The following PCSK9 variants were observed in gnomAD, a reference collection of about 807,000 sequenced individuals.
The protein encoded by PCSK9 is proprotein convertase subtilisin/kexin type 9, also known as convertase subtilisin/kexin type 9 preproprotein.
Under a neutral mutation model 62.1 loss-of-function variants are expected in PCSK9, and 57 were observed. That is an observed-to-expected ratio of 0.92 (90% CI 0.74 to 1.14). The LOEUF (loss-of-function observed/expected upper bound fraction) is 1.14, where lower values mean the gene tolerates loss of function less well. Ranked by LOEUF, PCSK9 falls within the 50% of genes most tolerant of loss-of-function variation. The pLI is 0.00. For missense variants in PCSK9, 870 were observed against 959.8 expected (o/e 0.91, Z 1.24); for synonymous variants, 387 against 409.4 (o/e 0.95, Z 0.66).
intron 3 of PCSK9, chr1:55,051,298 G>A (rs1260790240): frequency 2.3e-6 from 1 of 430,522 alleles, no homozygotes; most frequent in African/African-American, 2.0e-5. Flanking sequence ...AGCCCAGAGG[G>A]CTGCCCTCTG....
In PCSK9 at chr1:55,057,433, G is replaced by C. The variant is rs141867978; in HGVS notation, c.1099G>C (p.Asp367His). 1.1e-4 allele frequency: 174 copies of C among 1,614,094 alleles called. 6 individuals carry two copies. In the South Asian group the frequency reaches 1.9e-3, roughly 17 times the overall value. ...TGTGGACCTCTTTGCCCCAGGGGAG[G>C]ACATCATTGGTGCCTCCAGCGACTG... ...RCVDLFAPGE[D>H]IIGASSDCST... The change falls in exon 7 of 12, where the codon GAC becomes CAC. Residue 367 changes from aspartate (D) to histidine (H), a missense_variant. Asp to His is a moderately conservative substitution (Grantham distance 81). Transcript: ENST00000302118.
At chr1:55,047,265 C>A (rs1361627175) in intron 3 of PCSK9, among the ~76,000 whole-genome samples, 1 of 152,180 alleles carries the variant, frequency 6.6e-6, no homozygotes, top group East Asian at 1.9e-4. Flanking sequence ...GGTGGCAATT[C>A]AGTCGGGGAA....
At chr1:55,055,323 G>GGGGGGAAGTTGGGT (rs1644706111) in intron 5 of PCSK9, among the ~76,000 whole-genome samples, 1 of 32,606 alleles carries the variant, frequency 3.1e-5, no homozygotes, top group South Asian at 1.3e-3. Context: ...AGAGAGTGGC[G>GGGGGGAAGTTGGGT]GGGGAAGTTG....
rs1486606144 is a variant in PCSK9 at position 55,056,068 on chromosome 1, G to T, written c.875G>T (p.Gly292Val). ...GTGGTGCTGCTGCCCCTGGCGGGTGGGTACAGCCGCGTCCTCAACGCCGCC... is the reference window on the plus strand; with the variant it reads ...GTGGTGCTGCTGCCCCTGGCGGGTGTGTACAGCCGCGTCCTCAACGCCGCC... The part of the protein sequence containing the change: ...PLVVLLPLAG[G>V]YSRVLNAACQ... The change falls in exon 6 of 12, where the codon GGG becomes GTG. Residue 292 changes from glycine (G) to valine (V), a missense_variant. Coordinates refer to ENST00000302118, the MANE Select transcript of PCSK9 (RefSeq NM_174936.4). The T allele has an allele frequency of 6.2e-7, 1 of 1,601,032 alleles. No individual in the cohort carries two copies. Among genetic ancestry groups the T allele is most frequent in the South Asian group, 1.1e-5 (1 of 90,084 alleles).
chr1:55,046,502 C>A (rs752456708), intron 2 of PCSK9, 21 bp from the exon 3 acceptor site: 1 of 1,614,206 alleles, frequency 6.2e-7, no homozygotes, highest in Middle Eastern at 1.6e-4. Context: ...CAGAGTCCCC[C>A]GGCCTCTCTG....
At chr1:55,056,735 C>T (rs1435871245) in intron 6 of PCSK9, among the ~76,000 whole-genome samples, 2 of 152,186 alleles carry the variant, frequency 1.3e-5, no homozygotes, top group East Asian at 3.9e-4. Context: ...GGAGCCTCGG[C>T]CCTGAGGAGC....
chr1:55,053,120 G>A (rs1022412523), intron 5 of PCSK9, among the ~76,000 whole-genome samples: 4 of 152,124 alleles, frequency 2.6e-5, no homozygotes, highest in Non-Finnish European at 4.4e-5. Context: ...TCTTCAATGT[G>A]GAGGGACTCG....
rs1644582855 is a variant in PCSK9, at chr1:55,039,717, T to TGCTCCTGAACTTCA, written c.-113_-100dup. 2 of 1,221,626 alleles carry TGCTCCTGAACTTCA rather than the reference T, an allele frequency of 1.6e-6. No individual in the cohort carries two copies. The allele number at this position is 1,221,626 out of a possible 1,614,324, so 75.7% of individuals were successfully genotyped here. On this transcript the variant is annotated 5_prime_UTR_variant, in exon 1 of 12. Coordinates refer to ENST00000302118, the MANE Select transcript of PCSK9 (RefSeq NM_174936.4). ...ATTCCGCGCGCCCCTTCACGCGCCCTGCTCCTGAACTTCAGCTCCTGCACA... is the reference window on the plus strand; with the variant it reads ...ATTCCGCGCGCCCCTTCACGCGCCCTGCTCCTGAACTTCAGCTCCTGAACTTCAGCTCCTGCACA...
At chr1:55,044,602 C>T (rs192295486) in intron 2 of PCSK9, among the ~76,000 whole-genome samples, 6 of 127,424 alleles carry the variant, frequency 4.7e-5, no homozygotes, top group African/African-American at 1.0e-4. Flanking sequence ...CTTAAAAAAA[C>T]GTTTTTATTT....
chr1:55,057,289 C>T lies in PCSK9; in HGVS notation c.997-42C>T, dbSNP rs556936672. ...CTGAGTCTGCCTCTGCAACCCCTCT[C>T]TTGGGCTCCTTTCTCTGCCACCCAC... is the stretch of plus-strand genomic sequence containing the variant. On this transcript the variant is annotated intron_variant, in intron 6 of 11. Coordinates refer to ENST00000302118, the MANE Select transcript of PCSK9 (RefSeq NM_174936.4). 4 of 1,591,544 alleles carry T rather than the reference C, an allele frequency of 2.5e-6. No homozygotes were observed. The South Asian group carries it at 4.4e-5, about 18-fold the overall frequency.
chr1:55,062,340 C>T (rs987824159), intron 11 of PCSK9, among the ~76,000 whole-genome samples: 1 of 152,148 alleles, frequency 6.6e-6, no homozygotes, highest in Non-Finnish European at 1.5e-5. Context: ...GTGCATTCCT[C>T]GAGAGCAAAA....
At chr1:55,056,321 T>A in intron 6 of PCSK9, 132 bp downstream of exon 6, 1 of 1,086,136 alleles carries the variant, frequency 9.2e-7, no homozygotes, top group Non-Finnish European at 1.2e-6. Flanking sequence ...GGCCGAACCC[T>A]TCTGGCTTTG....
Position 55,058,133 on chromosome 1 carries a change from G to A in PCSK9, c.1278G>A (p.Glu426=). Residue 426 remains glutamate (E), a synonymous_variant, in exon 8 of 12, where the codon GAG becomes GAA. Coordinates refer to ENST00000302118, the MANE Select transcript of PCSK9 (RefSeq NM_174936.4). ...TCTCTGCCAAAGATGTCATCAATGA[G>A]GCCTGGTTCCCTGAGGACCAGCGGG... ...IHFSAKDVIN[E]AWFPEDQRVL... is the part of the protein sequence containing the mutation. 6.2e-7 allele frequency: 1 copy of A among 1,613,646 alleles called. No individual in the cohort carries two copies. The highest frequency in any genetic ancestry group is 8.5e-7 in the Non-Finnish European group (1 of 1,180,028).
chr1:55,058,342 G>A lies in PCSK9; in HGVS notation c.1354+133G>A. On this transcript the variant is annotated intron_variant, in intron 8 of 11. Coordinates refer to ENST00000302118, the MANE Select transcript of PCSK9 (RefSeq NM_174936.4). ...CTTAAATAGGATTAAATGAGAATGG[G>A]GCTCTGAAAGGGCTGTGCAATATTT... 10 of 1,484,516 alleles carry A rather than the reference G, an allele frequency of 6.7e-6. No homozygotes were observed. The South Asian group carries it at 1.2e-4, about 18-fold the overall frequency. The allele number at this position is 1,484,516 out of a possible 1,614,324, so 92.0% of individuals were successfully genotyped here. A position where few individuals can be genotyped will look rare whatever the true frequency, so the allele number is the denominator to read the frequency against.
At chr1:55,041,740 C>T (rs1644599062) in intron 1 of PCSK9, among the ~76,000 whole-genome samples, 1 of 152,176 alleles carries the variant, frequency 6.6e-6, no homozygotes, top group Non-Finnish European at 1.5e-5. Flanking sequence ...GTTTCCAGAA[C>T]TGACACTCCA....
intron 10 of PCSK9, 115 bp downstream of exon 10, chr1:55,059,778 A>T: frequency 7.5e-7 from 1 of 1,336,934 alleles, no homozygotes; most frequent in South Asian, 1.4e-5. Context: ...CCTGACTTGC[A>T]GTTCCATACT....
chr1:55,058,226 G>A lies in PCSK9; in HGVS notation c.1354+17G>A, dbSNP rs1320864346. On this transcript the variant is annotated intron_variant, in intron 8 of 11. Transcript: ENST00000302118. ...ATGGGGCAGGTAAGCAGGATGGCAG[G>A]GTGGGCAAGTCCAGGCTGGGGCTTG... The A allele has an allele frequency of 6.2e-7, 1 of 1,609,166 alleles. No individual in the cohort carries two copies. The highest frequency in any genetic ancestry group is 2.2e-5 in the East Asian group (1 of 44,780).
At position 55,052,878 on chromosome 1, in the gene PCSK9, C is replaced by T. The variant is rs371184937; in HGVS notation, c.799+87C>T. ...GGCTGGGCCCAGGGAGAGCTAATGTCTCCTAACCAAGAATGCTGTGGCAGC... is the reference window on the plus strand; with the variant it reads ...GGCTGGGCCCAGGGAGAGCTAATGTTTCCTAACCAAGAATGCTGTGGCAGC... On this transcript the variant is annotated intron_variant, in intron 5 of 11. Transcript: ENST00000302118. The T allele has an allele frequency of 2.0e-4, 323 of 1,591,706 alleles. 1 individual carries two copies. In the African/African-American group the frequency reaches 4.0e-3, roughly 19 times the overall value.
chr1:55,057,274 C>A, intron 6 of PCSK9, 57 bp from the exon 7 acceptor site: 1 of 1,569,234 alleles, frequency 6.4e-7, no homozygotes, highest in Non-Finnish European at 8.8e-7. Flanking sequence ...CTGAGTCTGC[C>A]TCTGCAACCC....
Sources: allele counts gnomAD v4.1 joint callset (sites outside exome capture counted in the v4.1 genomes callset), GRCh38; gene constraint gnomAD v4.1.1; transcripts MANE v1.5; gene names NCBI Gene and HGNC (gene_info 2026-07-23, HGNC 2026-07-21).